ATAD5: variants seen among roughly 807,000 people sequenced by gnomAD.
ATAD5 encodes ATPase family AAA domain-containing protein 5.
In ATAD5, 58 loss-of-function variants were observed where a neutral mutation model predicts 176.9. That is an observed-to-expected ratio of 0.33 (90% CI 0.27 to 0.41). The LOEUF (loss-of-function observed/expected upper bound fraction) is 0.41. Ranked by LOEUF, ATAD5 falls within the 10% of genes least tolerant of loss-of-function variation. The pLI, the probability that ATAD5 is intolerant of heterozygous loss-of-function variation, is 1.00. For synonymous variants in ATAD5, 640 were observed against 712.6 expected, an observed-to-expected ratio of 0.90 and a Z score of 1.62; for missense variants, 1,789 against 2,094.1, an observed-to-expected ratio of 0.85 and a Z score of 2.84.
Position 30,856,841 on chromosome 17 carries a change from G to A in ATAD5, c.2636-114G>A. The A allele has an allele frequency of 2.0e-6, 2 of 977,896 alleles. 1 individual carries two copies. Among genetic ancestry groups the A allele is most frequent in the South Asian group, 4.4e-5 (2 of 45,182 alleles). 60.6% of individuals were successfully genotyped at this position (977,896 alleles called of 1,614,324 possible). ...TCCCTTTATAGTCATGTGGTTTTTG[G>A]TATGTTTGTGTTAATTATGTAGTTG... On this transcript the variant is annotated intron_variant, in intron 7 of 22. Transcript: ENST00000321990.
At chr17:30,869,834 A>C (rs1449856500) in intron 14 of ATAD5, 188 bp downstream of exon 14, 15 of 598,394 alleles carry the variant, frequency 2.5e-5, no homozygotes, top group Non-Finnish European at 3.6e-5. Context: ...TACCTTCTTC[A>C]ATATTTATCT....
chr17:30,890,044 C>T (rs1419155500), intron 19 of ATAD5, among the ~76,000 whole-genome samples: 2 of 151,806 alleles, frequency 1.3e-5, no homozygotes, highest in African/African-American at 4.8e-5. Context: ...GCGTGCACCA[C>T]CACAGCTAAC....
In ATAD5 at chr17:30,865,804, G is replaced by A; in HGVS notation, c.3233+4G>A. On this transcript the variant is annotated splice_donor_region_variant and intron_variant, in intron 11 of 22. Coordinates refer to ENST00000321990, the MANE Select transcript of ATAD5 (RefSeq NM_024857.5). ...TAGCTATAAAAAAGTTACATAGGTT[G>A]GTAAAATGTGTAAGGAATTGAGAAA... The A allele has an allele frequency of 6.6e-7, 1 of 1,510,278 alleles. No individual in the cohort carries two copies. The highest frequency in any genetic ancestry group is 9.0e-7 in the Non-Finnish European group (1 of 1,116,540). The allele number at this position is 1,510,278 out of a possible 1,614,324, so 93.6% of individuals were successfully genotyped here.
intron 6 of ATAD5, among the ~76,000 whole-genome samples, chr17:30,846,740 G>C (rs1380768187): frequency 7.3e-6 from 1 of 136,726 alleles, no homozygotes; most frequent in Admixed American, 7.5e-5. Flanking sequence ...TTTTTTTTGA[G>C]ACGGAGTTTC....
intron 3 of ATAD5, among the ~76,000 whole-genome samples, chr17:30,838,750 A>T (rs1262624964): frequency 6.6e-6 from 1 of 152,214 alleles, no homozygotes; most frequent in Non-Finnish European, 1.5e-5. Flanking sequence ...TGTACTACTT[A>T]AAATTGGGAT....
chr17:30,886,732 A>T (rs1245187016), intron 18 of ATAD5, among the ~76,000 whole-genome samples: 1 of 151,134 alleles, frequency 6.6e-6, no homozygotes, highest in African/African-American at 2.4e-5. Context: ...ATATAGTGAG[A>T]CCCTGATCTC....
At chr17:30,873,203 G>C (rs1448564157) in intron 14 of ATAD5, among the ~76,000 whole-genome samples, 1 of 151,928 alleles carries the variant, frequency 6.6e-6, no homozygotes, top group Admixed American at 6.6e-5. Context: ...GTGTCCTTTT[G>C]ACATTACCCC....
intron 3 of ATAD5, among the ~76,000 whole-genome samples, chr17:30,838,180 G>A (rs754550790): frequency 1.1e-4 from 17 of 152,182 alleles, no homozygotes; most frequent in Non-Finnish European, 2.1e-4. Flanking sequence ...CAGCTCTAAA[G>A]GGAGAAGTAA....
chr17:30,867,870 G>A (rs912330758), intron 11 of ATAD5, among the ~76,000 whole-genome samples: 1 of 152,184 alleles, frequency 6.6e-6, no homozygotes, highest in African/African-American at 2.4e-5. Context: ...CTTCCAAAGT[G>A]CTGGGATTAC....
intron 1 of ATAD5, 132 bp downstream of exon 1, chr17:30,832,545 C>T (rs1241608244): frequency 3.4e-6 from 3 of 871,462 alleles, no homozygotes; most frequent in Admixed American, 7.8e-5. Context: ...ACAGCTGTGA[C>T]ACATTGTGTG....
chr17:30,836,562 T>A (rs1442904864), intron 2 of ATAD5, among the ~76,000 whole-genome samples: 2 of 151,950 alleles, frequency 1.3e-5, no homozygotes, highest in African/African-American at 4.8e-5. Context: ...ATTTTTAATT[T>A]AATTTAATTT....
intron 3 of ATAD5, among the ~76,000 whole-genome samples, chr17:30,838,514 G>A (rs1905893398): frequency 6.6e-6 from 1 of 152,148 alleles, no homozygotes; most frequent in African/African-American, 2.4e-5. Flanking sequence ...TTTTATTTGT[G>A]ATTCTGGGAA....
chr17:30,873,981 A>G (rs1483050643), intron 14 of ATAD5, among the ~76,000 whole-genome samples: 4 of 151,828 alleles, frequency 2.6e-5, no homozygotes, highest in Non-Finnish European at 5.9e-5. Flanking sequence ...CCTGGCCAAC[A>G]TGGTGAAATG....
intron 17 of ATAD5, among the ~76,000 whole-genome samples, chr17:30,879,205 G>A (rs905835223): frequency 2.0e-5 from 3 of 152,130 alleles, no homozygotes; most frequent in African/African-American, 7.2e-5. Context: ...GGGCATGGCA[G>A]CTTGAGCTTA....
At chr17:30,888,164 CTG>C (rs1484515992) in intron 19 of ATAD5, among the ~76,000 whole-genome samples, 1 of 152,060 alleles carries the variant, frequency 6.6e-6, no homozygotes, top group Non-Finnish European at 1.5e-5. Context: ...TAAAAAAACT[CTG>C]TGCTATGCTA....
intron 7 of ATAD5, among the ~76,000 whole-genome samples, chr17:30,855,635 G>A (rs904568633): frequency 1.1e-4 from 16 of 151,946 alleles, no homozygotes; most frequent in African/African-American, 3.1e-4. Flanking sequence ...CCAGGAGTTC[G>A]AGACCAGCCT....
At chr17:30,883,538 A>G (rs1203068988) in intron 18 of ATAD5, among the ~76,000 whole-genome samples, 1 of 152,120 alleles carries the variant, frequency 6.6e-6, no homozygotes, top group Non-Finnish European at 1.5e-5. Context: ...AAAGAAATGT[A>G]GTAAAATTAA....
intron 18 of ATAD5, among the ~76,000 whole-genome samples, chr17:30,879,762 C>T (rs1284482442): frequency 6.6e-6 from 1 of 151,962 alleles, no homozygotes; most frequent in Non-Finnish European, 1.5e-5. Flanking sequence ...CGGAGTTTCA[C>T]CATTTTAGCC....
chr17:30,846,042 T>C (rs1906477180), intron 6 of ATAD5, among the ~76,000 whole-genome samples: 1 of 152,200 alleles, frequency 6.6e-6, no homozygotes, highest in Non-Finnish European at 1.5e-5. Flanking sequence ...AGCACACATA[T>C]CTTAAGTATG....
Sources: allele counts gnomAD v4.1 joint callset (sites outside exome capture counted in the v4.1 genomes callset), GRCh38; gene constraint gnomAD v4.1.1; transcripts MANE v1.5; gene names NCBI Gene and HGNC (gene_info 2026-07-23, HGNC 2026-07-21).